NPM1: variants seen among roughly 807,000 people sequenced by gnomAD.
NPM1 encodes nucleophosmin.
In NPM1, 1 loss-of-function variant was observed where a neutral mutation model predicts 44.1. The observed-to-expected ratio is 0.02, with a 90% confidence interval of 0.01 to 0.11. NPM1 has a LOEUF of 0.11. NPM1 is among the 10% of genes least tolerant of loss of function. The pLI is 1.00. For missense variants in NPM1, 197 were observed against 347.8 expected, an observed-to-expected ratio of 0.57 and a Z score of 3.45; for synonymous variants, 126 against 111.8, an observed-to-expected ratio of 1.13 and a Z score of -0.80.
intron 6 of NPM1, among the ~76,000 whole-genome samples, chr5:171,397,552 T>C (rs1770971281): frequency 6.6e-6 from 1 of 152,242 alleles, no homozygotes; most frequent in Admixed American, 6.5e-5. Context: ...TTTTCATGTA[T>C]TCATTGGCCA....
chr5:171,391,597 G>C, intron 3 of NPM1, 109 bp from the exon 4 acceptor site: 1 of 1,120,128 alleles, frequency 8.9e-7, no homozygotes, highest in Non-Finnish European at 1.3e-6. Flanking sequence ...TTTTATCAGA[G>C]GTGGAAAAAC....
chr5:171,400,560 G>A (rs991020515), intron 7 of NPM1, among the ~76,000 whole-genome samples: 1 of 151,054 alleles, frequency 6.6e-6, no homozygotes, highest in Non-Finnish European at 1.5e-5. Flanking sequence ...GGGTTGAAGC[G>A]ATTCTCCTGC....
intron 2 of NPM1, chr5:171,391,056 C>T (rs1447763049): frequency 9.1e-6 from 3 of 330,894 alleles, no homozygotes; most frequent in Non-Finnish European, 1.7e-5. Flanking sequence ...TACTGTGTTT[C>T]GGTTGCTTAC....
At chr5:171,399,096 G>A (rs1445895847) in intron 6 of NPM1, among the ~76,000 whole-genome samples, 3 of 152,264 alleles carry the variant, frequency 2.0e-5, no homozygotes, top group South Asian at 2.1e-4. Context: ...TGATCTGGCC[G>A]TCTCGGCCTC....
intron 6 of NPM1, among the ~76,000 whole-genome samples, chr5:171,393,530 G>A (rs1407187764): frequency 6.6e-6 from 1 of 152,160 alleles, no homozygotes; most frequent in Non-Finnish European, 1.5e-5. Flanking sequence ...TATTAAACTA[G>A]ATCAAACTAT....
chr5:171,402,083 A>C (rs560841741), intron 8 of NPM1, among the ~76,000 whole-genome samples: 4 of 145,496 alleles, frequency 2.7e-5, no homozygotes, highest in African/African-American at 1.0e-4. Context: ...CTGATGAAAT[A>C]GTTTATTTAC....
At chr5:171,395,131 G>A (rs1010047375) in intron 6 of NPM1, among the ~76,000 whole-genome samples, 8 of 152,140 alleles carry the variant, frequency 5.3e-5, no homozygotes, top group Non-Finnish European at 8.8e-5. Flanking sequence ...AGCAAGCCAA[G>A]AATGCGCCAC....
intron 8 of NPM1, among the ~76,000 whole-genome samples, chr5:171,403,189 T>C (rs1324460113): frequency 1.1e-5 from 1 of 90,952 alleles, no homozygotes; most frequent in East Asian, 3.6e-4. Flanking sequence ...TTACTTGAGA[T>C]TAGGGATTGG....
At chr5:171,395,952 A>AG in intron 6 of NPM1, among the ~76,000 whole-genome samples, 1 of 146,108 alleles carries the variant, frequency 6.8e-6, no homozygotes, top group South Asian at 2.2e-4. Context: ...GAATTTCTTA[A>AG]GTAAAGCTGA....
intron 8 of NPM1, among the ~76,000 whole-genome samples, chr5:171,403,747 A>T (rs1403106036): frequency 1.8e-5 from 2 of 113,624 alleles, no homozygotes; most frequent in Admixed American, 9.4e-5. Flanking sequence ...TGACCCCCCC[A>T]CCTCCCTCCC....
intron 6 of NPM1, among the ~76,000 whole-genome samples, chr5:171,398,694 C>T (rs1771036500): frequency 6.6e-6 from 1 of 152,092 alleles, no homozygotes; most frequent in Admixed American, 6.6e-5. Flanking sequence ...TTCGCTTGAA[C>T]CTGGGAGGCA....
intron 9 of NPM1, among the ~76,000 whole-genome samples, chr5:171,407,292 TTG>T (rs1262765880): frequency 6.6e-6 from 1 of 152,248 alleles, no homozygotes; most frequent in Admixed American, 6.5e-5. Flanking sequence ...GGGGTTTTGT[TTG>T]TTTGTTTTTA....
intron 9 of NPM1, 24 bp downstream of exon 9, chr5:171,405,427 A>G (rs1289189593): frequency 3.8e-6 from 4 of 1,064,722 alleles, no homozygotes; most frequent in Non-Finnish European, 5.7e-6. Context: ...TCTTAAAAAA[A>G]CTTTGTCTCC....
Position 171,397,757 on chromosome 5 carries a change from A to G in NPM1, c.525-2396A>G, listed in dbSNP as rs570450604. 9.4e-5 allele frequency among the ~76,000 whole-genome samples: 14 copies of G among 148,928 alleles called. No homozygotes were observed. The South Asian group carries it at 3.0e-3, about 32-fold the overall frequency. ...GTGATCCACCTCCCTCTGCCTCCCA[A>G]ACTGCTGAGATTACAGCTGTGAGCC... On this transcript the variant is annotated intron_variant, in intron 6 of 10. Coordinates refer to ENST00000296930, the MANE Select transcript of NPM1 (RefSeq NM_002520.7).
At position 171,392,958 on chromosome 5, in the gene NPM1, TGAA is replaced by T. The variant is rs757325565; in HGVS notation, c.507_509del (p.Glu170del). On this transcript the variant is annotated inframe_deletion, in exon 6 of 11. Transcript: ENST00000296930. Reference sequence around the variant, plus strand: ...CTGATGAAGATGATGACGATGATGATGAAGAGGATGATGATGAAGAGTAAGTAT... The same window carrying T: ...CTGATGAAGATGATGACGATGATGATGAGGATGATGATGAAGAGTAAGTAT... 5.6e-6 allele frequency: 9 copies of T among 1,608,856 alleles called. No individual in the cohort carries two copies. Among genetic ancestry groups the T allele is most frequent in the East Asian group, 2.2e-5 (1 of 44,834 alleles).
chr5:171,399,670 A>G (rs1038323859), intron 6 of NPM1, among the ~76,000 whole-genome samples: 1 of 139,226 alleles, frequency 7.2e-6, no homozygotes, highest in African/African-American at 2.7e-5. Context: ...GAATGTTTCT[A>G]TTTAGGTCTT....
intron 6 of NPM1, among the ~76,000 whole-genome samples, chr5:171,394,601 G>C (rs76123545): frequency 0.015 from 2,319 of 152,254 alleles, 53 homozygotes; most frequent in African/African-American, 0.052. Context: ...AGCCCAGCTT[G>C]TTTGGTTATC....
At chr5:171,391,896 GT>G in intron 4 of NPM1, 97 bp downstream of exon 4, 1 of 603,222 alleles carries the variant, frequency 1.7e-6, no homozygotes, top group South Asian at 2.2e-5. Context: ...TAGTACTACT[GT>G]CTTTTTAATA....
intron 1 of NPM1, among the ~76,000 whole-genome samples, chr5:171,389,553 G>T (rs183398697): frequency 6.6e-6 from 1 of 152,294 alleles, no homozygotes; most frequent in African/African-American, 2.4e-5. Context: ...GTCACTTTCT[G>T]TTGCTTTAAA....
Sources: gnomAD v4.1 joint callset for allele counts (sites outside exome capture counted in the v4.1 genomes callset) on GRCh38, gnomAD v4.1.1 for gene constraint, MANE v1.5 for transcripts, NCBI Gene and HGNC (gene_info 2026-07-23, HGNC 2026-07-21) for gene names.